Variants in SCN11A observed in about 807,000 individuals in gnomAD.
SCN11A encodes the protein sodium voltage-gated channel alpha subunit 11, also known as sodium channel protein type 11 subunit alpha.
Under a neutral mutation model 162.2 loss-of-function variants are expected in SCN11A, and 122 were observed. The ratio of observed to expected loss-of-function variants is 0.75; its 90% CI spans 0.65 to 0.87. The LOEUF (loss-of-function observed/expected upper bound fraction) is 0.87. Ranked by LOEUF, SCN11A falls within the 40% of genes least tolerant of loss-of-function variation. The pLI is 0.00. For missense variants in SCN11A, 2,015 were observed against 2,181.6 expected (o/e 0.92, Z 1.52); for synonymous variants, 758 against 751.5 (o/e 1.01, Z -0.14).
chr3:39,034,878 T>C (rs183916002), intron 1 of SCN11A, among the ~76,000 whole-genome samples: 5 of 152,130 alleles, frequency 3.3e-5, no homozygotes, highest in Admixed American at 3.3e-4. Flanking sequence ...AAACCAAGAA[T>C]AAACTTAATC....
intron 2 of SCN11A, among the ~76,000 whole-genome samples, chr3:38,981,943 G>T (rs1052253650): frequency 6.6e-6 from 1 of 151,658 alleles, no homozygotes; most frequent in Non-Finnish European, 1.5e-5. Flanking sequence ...GGCAGAGGTT[G>T]CAGTGAGCCA....
rs373827019 is a variant in SCN11A, at chr3:38,905,296, C to T, written c.1499G>A (p.Arg500Gln). Residue 500 changes from arginine (R) to glutamine (Q), a missense_variant, in exon 15 of 30, where the codon CGA becomes CAA. By Grantham distance (43) the Arg-to-Gln change is conservative. Coordinates refer to ENST00000302328, the MANE Select transcript of SCN11A (RefSeq NM_001349253.2). ...KKPQLLEQTK[R>Q]LSQNLSLDHF... ...GTCCAGTGATAGATTCTGGGACAGT[C>T]GTTTGGTTTGCTCTAGGAGCTGTGG... 71 of 1,613,822 alleles carry T rather than the reference C, an allele frequency of 4.4e-5. No homozygotes were observed. The highest frequency in any genetic ancestry group is 4.0e-4 in the African/African-American group (30 of 74,894).
chr3:38,909,617 C>T (rs1248019722), intron 12 of SCN11A, among the ~76,000 whole-genome samples: 1 of 144,822 alleles, frequency 6.9e-6, no homozygotes, highest in Non-Finnish European at 1.5e-5. Context: ...GAGTTTCACT[C>T]TATCACCCAG....
At chr3:38,904,212 A>G (rs2065754041) in intron 15 of SCN11A, 109 bp from the exon 16 acceptor site, 2 of 636,746 alleles carry the variant, frequency 3.1e-6, no homozygotes, top group African/African-American at 1.8e-5. Context: ...CTGATACATG[A>G]TCAGTTGTGA....
In SCN11A at chr3:38,894,949, TGAA is replaced by T. The variant is rs761708451; in HGVS notation, c.2416_2418del (p.Phe806del). On this transcript the variant is annotated inframe_deletion, in exon 19 of 30. Coordinates refer to ENST00000302328, the MANE Select transcript of SCN11A (RefSeq NM_001349253.2). ...CTAAAGGAATTGAGCAGTAAGGCAA[TGAA>T]GAGGTTGAGCACCTGGGAATGGGGT... The T allele has an allele frequency of 1.7e-5, 28 of 1,608,254 alleles. No homozygotes were observed. Among genetic ancestry groups the T allele is most frequent in the Non-Finnish European group, 2.2e-5 (26 of 1,176,068 alleles).
At chr3:38,963,447 T>G (rs1376947202) in intron 2 of SCN11A, among the ~76,000 whole-genome samples, 6 of 98,250 alleles carry the variant, frequency 6.1e-5, no homozygotes, top group Non-Finnish European at 1.2e-4. Context: ...ATATATATGA[T>G]GGAGATATAT....
chr3:38,988,037 G>A lies in SCN11A; in HGVS notation c.-279-27614C>T, dbSNP rs577044439. On this transcript the variant is annotated intron_variant, in intron 2 of 29. Coordinates refer to ENST00000302328, the MANE Select transcript of SCN11A (RefSeq NM_001349253.2). ...ACTAGCTACATAATTTGTGGCGCCC[G>A]GTGCAAATGGGAATTTGAGGCTCCT... Among the ~76,000 whole-genome samples, 8 of 142,022 alleles carry A rather than the reference G, an allele frequency of 5.6e-5. No homozygotes were observed. In the South Asian group the frequency reaches 6.3e-4, roughly 11 times the overall value. The allele number at this position is 142,022 out of a possible 152,430, so 93.2% of individuals were successfully genotyped here.
chr3:38,940,271 T>C (rs182905444), intron 7 of SCN11A, among the ~76,000 whole-genome samples: 1 of 152,296 alleles, frequency 6.6e-6, no homozygotes, highest in East Asian at 1.9e-4. Flanking sequence ...ATGTTCTCAA[T>C]GAGTTCCAAC....
chr3:38,975,333 A>T (rs2066843228), intron 2 of SCN11A, among the ~76,000 whole-genome samples: 1 of 152,152 alleles, frequency 6.6e-6, no homozygotes, highest in African/African-American at 2.4e-5. Flanking sequence ...AGCTAAGCAA[A>T]CTCTGACTCT....
intron 2 of SCN11A, among the ~76,000 whole-genome samples, chr3:38,978,423 A>T (rs987018374): frequency 6.6e-6 from 1 of 152,222 alleles, no homozygotes; most frequent in African/African-American, 2.4e-5. Flanking sequence ...AGGTGGGTGG[A>T]TAATTTGAGA....
At chr3:38,945,325 T>C in intron 7 of SCN11A, 86 bp downstream of exon 7, 1 of 843,646 alleles carries the variant, frequency 1.2e-6, no homozygotes, top group Non-Finnish European at 1.9e-6. Context: ...TTAGTGACTT[T>C]TTCTTTCTCT....
intron 2 of SCN11A, chr3:39,026,144 A>G (rs1340582825): frequency 6.6e-6 from 1 of 152,192 alleles, no homozygotes; most frequent in African/African-American, 2.4e-5. Context: ...AAAAACATAG[A>G]AGAAAATCCT....
intron 2 of SCN11A, among the ~76,000 whole-genome samples, chr3:38,991,895 G>A (rs9813313): frequency 0.067 from 10,244 of 152,080 alleles, 1,110 homozygotes; most frequent in African/African-American, 0.23. Flanking sequence ...TATAACCTCT[G>A]CCTCCCAGGT....
intron 19 of SCN11A, among the ~76,000 whole-genome samples, chr3:38,892,329 C>T (rs1408331956): frequency 6.6e-6 from 1 of 152,130 alleles, no homozygotes; most frequent in Non-Finnish European, 1.5e-5. Flanking sequence ...ATACAACACA[C>T]AAGTATGATA....
At chr3:39,006,928 A>C (rs2030994898) in intron 2 of SCN11A, among the ~76,000 whole-genome samples, 1 of 152,226 alleles carries the variant, frequency 6.6e-6, no homozygotes, top group South Asian at 2.1e-4. Context: ...AAAATTGTAC[A>C]AAAGTAGAAC....
Position 38,897,074 on chromosome 3 carries a change from CG to C in SCN11A, c.2173del (p.Arg725ValfsTer35), listed in dbSNP as rs1559515922. 1.2e-6 allele frequency: 2 copies of C among 1,614,064 alleles called. No homozygotes were observed. The highest frequency in any genetic ancestry group is 1.7e-6 in the Non-Finnish European group (2 of 1,180,010). On this transcript the variant is annotated frameshift_variant, in exon 18 of 30. Coordinates refer to ENST00000302328, the MANE Select transcript of SCN11A (RefSeq NM_001349253.2). LOFTEE classifies it high-confidence loss of function. ...TGGACTCTTTTGGGAATTGAAGCTACGGCCAAAAAGCTGCATGCCAACTACT... is the reference window on the plus strand; with the variant it reads ...TGGACTCTTTTGGGAATTGAAGCTACGCCAAAAAGCTGCATGCCAACTACT... The part of the protein sequence containing the change: ...FSVVGMQLFG[R>X]SFNSQKSPKL...
chr3:38,940,306 A>G (rs1365773521), intron 7 of SCN11A, among the ~76,000 whole-genome samples: 1 of 152,206 alleles, frequency 6.6e-6, no homozygotes, highest in African/African-American at 2.4e-5. Context: ...AGTTTCCTCT[A>G]GGTTAATTTA....
intron 17 of SCN11A, among the ~76,000 whole-genome samples, chr3:38,898,572 CCAGCTATTCAAGA>C (rs1407830662): frequency 1.7e-4 from 26 of 152,130 alleles, no homozygotes; most frequent in Non-Finnish European, 1.9e-4. Context: ...GAAAAGGCAA[CCAGCTATTCAAGA>C]CTTGTATACT....
intron 7 of SCN11A, among the ~76,000 whole-genome samples, chr3:38,929,888 C>G (rs1184839127): frequency 1.3e-5 from 2 of 152,186 alleles, no homozygotes; most frequent in Non-Finnish European, 2.9e-5. Flanking sequence ...TCACCAGATA[C>G]AGACCCTTTG....
Sources: gnomAD v4.1 joint callset for allele counts (sites outside exome capture counted in the v4.1 genomes callset) on GRCh38, gnomAD v4.1.1 for gene constraint, MANE v1.5 for transcripts, NCBI Gene and HGNC (gene_info 2026-07-23, HGNC 2026-07-21) for gene names.